The following MED13L variants were observed in gnomAD, a reference collection of about 807,000 sequenced individuals.
The protein encoded by MED13L is mediator of RNA polymerase II transcription subunit 13-like.
Under a neutral mutation model 220.9 loss-of-function variants are expected in MED13L, and 7 were observed. The ratio of observed to expected loss-of-function variants is 0.03; its 90% CI spans 0.02 to 0.06. The LOEUF (loss-of-function observed/expected upper bound fraction) is 0.06. MED13L is among the 10% of genes least tolerant of loss of function. MED13L has a pLI of 1.00. For synonymous variants in MED13L, 1,011 were observed against 1,015.2 expected, an observed-to-expected ratio of 1.00 and a Z score of 0.08; for missense variants, 1,965 against 2,760.5, an observed-to-expected ratio of 0.71 and a Z score of 6.46.
rs138344612 is a variant in MED13L, at chr12:116,109,247, T to C, written c.395+2181A>G. ...CATCATGCTCAGCTAACTTTTAAAA[T>C]TTCTGTAGATACATGGTCTCACCAT... On this transcript the variant is annotated intron_variant, in intron 3 of 30. Transcript: ENST00000281928. Among the ~76,000 whole-genome samples, 535 of 151,880 alleles carry C rather than the reference T, an allele frequency of 3.5e-3. 5 individuals carry two copies. Among genetic ancestry groups the C allele is most frequent in the Non-Finnish European group, 5.5e-3 (376 of 67,934 alleles).
At chr12:116,160,749 T>C (rs200400580) in intron 2 of MED13L, among the ~76,000 whole-genome samples, 10 of 151,270 alleles carry the variant, frequency 6.6e-5, no homozygotes, top group African/African-American at 1.9e-4. Context: ...TTCTTTCTTT[T>C]ATTTTTTATT....
rs118099458 is a variant in MED13L at position 116,052,313 on chromosome 12, T to C, written c.480-29712A>G. ...AGACTAAAGGGATGATTAAAGTCAT[T>C]AGAAAATACAAAGGATGTGAGGGAG... On this transcript the variant is annotated intron_variant, in intron 4 of 30. Coordinates refer to ENST00000281928, the MANE Select transcript of MED13L (RefSeq NM_015335.5). 5.5e-3 allele frequency among the ~76,000 whole-genome samples: 843 copies of C among 152,226 alleles called. 11 individuals carry two copies. Among genetic ancestry groups the C allele is most frequent in the South Asian group, 0.017 (80 of 4,822 alleles).
intron 4 of MED13L, among the ~76,000 whole-genome samples, chr12:116,079,764 T>C (rs1001342721): frequency 1.3e-5 from 2 of 152,174 alleles, no homozygotes; most frequent in Non-Finnish European, 2.9e-5. Context: ...CTCGAATTCC[T>C]GGGCTCAAGC....
chr12:116,123,000 T>C (rs1316441308), intron 2 of MED13L, among the ~76,000 whole-genome samples: 3 of 152,222 alleles, frequency 2.0e-5, no homozygotes, highest in East Asian at 1.9e-4. Context: ...ATGGCTGTTA[T>C]TGACTTCTCA....
chr12:116,130,785 G>C (rs1438510640), intron 2 of MED13L, among the ~76,000 whole-genome samples: 2 of 152,082 alleles, frequency 1.3e-5, no homozygotes, highest in African/African-American at 4.8e-5. Flanking sequence ...TCCTCTAACA[G>C]CCTGTAGGTG....
At position 115,997,068 on chromosome 12, in the gene MED13L, G is replaced by A. The variant is rs1276946107; in HGVS notation, c.2732C>T (p.Thr911Ile). 1 of 1,613,946 alleles carries A rather than the reference G, an allele frequency of 6.2e-7. No individual in the cohort carries two copies. Among genetic ancestry groups the A allele is most frequent in the South Asian group, 1.1e-5 (1 of 91,088 alleles). Residue 911 changes from threonine (T) to isoleucine (I), a missense_variant, in exon 15 of 31, where the codon ACA becomes ATA. Coordinates refer to ENST00000281928, the MANE Select transcript of MED13L (RefSeq NM_015335.5). ...PMVSMVSTQL[T>I]EFKMEVEDGL... ...ATCTTCCACTTCCATTTTGAATTCT[G>A]TGAGTTGTGTTGAAACCATACTGAC...
chr12:116,115,147 C>T (rs1874401317), intron 2 of MED13L, among the ~76,000 whole-genome samples: 1 of 151,918 alleles, frequency 6.6e-6, no homozygotes, highest in African/African-American at 2.4e-5. Context: ...TTACGTCAAC[C>T]GAGTTCTAGG....
At chr12:116,268,457 CCTT>C (rs1196114316) in intron 1 of MED13L, among the ~76,000 whole-genome samples, 3 of 152,182 alleles carry the variant, frequency 2.0e-5, no homozygotes, top group East Asian at 3.9e-4. Context: ...ATTTAATCAT[CCTT>C]CTTAATAATA....
chr12:115,981,883 G>T lies in MED13L; in HGVS notation c.5175+501C>A, dbSNP rs149694000. The T allele has an allele frequency of 4.4e-3, 697 of 158,852 alleles. 3 individuals are homozygous for T. The highest frequency in any genetic ancestry group is 7.7e-3 in the Non-Finnish European group (556 of 72,156). 9.8% of individuals were successfully genotyped at this position (158,852 alleles called of 1,614,324 possible). On this transcript the variant is annotated intron_variant, in intron 22 of 30. Transcript: ENST00000281928. ...AGAAATACACCAAAATGGTTATGGT[G>T]GTTGAATGTAAAAGACGGAATTATG...
At chr12:116,199,453 G>C (rs1469915789) in intron 2 of MED13L, among the ~76,000 whole-genome samples, 1 of 152,080 alleles carries the variant, frequency 6.6e-6, no homozygotes. Flanking sequence ...GAAACACTAA[G>C]TCCTTATTTA....
chr12:116,162,626 A>G (rs540546274), intron 2 of MED13L, among the ~76,000 whole-genome samples: 1 of 152,328 alleles, frequency 6.6e-6, no homozygotes, highest in South Asian at 2.1e-4. Flanking sequence ...TATTTAATCA[A>G]TGTTTTGAGA....
At chr12:116,104,164 C>T (rs369122399) in intron 3 of MED13L, among the ~76,000 whole-genome samples, 9 of 152,086 alleles carry the variant, frequency 5.9e-5, no homozygotes, top group African/African-American at 1.9e-4. Context: ...GCATGTGCAA[C>T]CACACCTGTC....
intron 2 of MED13L, among the ~76,000 whole-genome samples, chr12:116,146,323 T>A (rs1228033264): frequency 6.6e-6 from 1 of 151,304 alleles, no homozygotes; most frequent in Non-Finnish European, 1.5e-5. Context: ...GCTTTCACCA[T>A]GTTGGCCAAG....
intron 1 of MED13L, among the ~76,000 whole-genome samples, chr12:116,244,023 C>T (rs1264832058): frequency 6.6e-6 from 1 of 152,184 alleles, no homozygotes. Flanking sequence ...TTTCAGGAAA[C>T]TATTGAAAGA....
At chr12:116,069,942 C>A (rs1197938124) in intron 4 of MED13L, among the ~76,000 whole-genome samples, 1 of 152,030 alleles carries the variant, frequency 6.6e-6, no homozygotes, top group Non-Finnish European at 1.5e-5. Context: ...CAAAAAAATC[C>A]AAAATTTGAA....
intron 2 of MED13L, among the ~76,000 whole-genome samples, chr12:116,148,261 C>T (rs1047802284): frequency 1.3e-5 from 2 of 151,436 alleles, no homozygotes; most frequent in South Asian, 2.1e-4. Flanking sequence ...ATAACTCAAC[C>T]GTCTCCCCTA....
chr12:116,261,949 A>C (rs1872546530), intron 1 of MED13L, among the ~76,000 whole-genome samples: 1 of 151,984 alleles, frequency 6.6e-6, no homozygotes, highest in Non-Finnish European at 1.5e-5. Context: ...GACAATCCAT[A>C]CTCCACAGGG....
chr12:115,986,683 G>A (rs1877713988), intron 18 of MED13L, among the ~76,000 whole-genome samples, 194 bp from the exon 19 acceptor site: 1 of 152,170 alleles, frequency 6.6e-6, no homozygotes, highest in Non-Finnish European at 1.5e-5. Flanking sequence ...AAGTAAGTCA[G>A]AATTTGTTTA....
intron 1 of MED13L, among the ~76,000 whole-genome samples, chr12:116,261,510 A>C (rs1195114356): frequency 6.6e-6 from 1 of 151,858 alleles, no homozygotes. Context: ...AAAAAAAAAA[A>C]ACTCTGGAAA....
Sources: allele counts gnomAD v4.1 joint callset (sites outside exome capture counted in the v4.1 genomes callset), GRCh38; gene constraint gnomAD v4.1.1; transcripts MANE v1.5; gene names NCBI Gene and HGNC (gene_info 2026-07-23, HGNC 2026-07-21).